LHX3: variants seen among roughly 807,000 people sequenced by gnomAD.
LHX3 encodes the protein LIM/homeobox protein Lhx3.
Under a neutral mutation model 32.4 loss-of-function variants are expected in LHX3, and 21 were observed. That is an observed-to-expected ratio of 0.65 (90% CI 0.46 to 0.93). LHX3 has a LOEUF of 0.93. LHX3 is among the 40% of genes least tolerant of loss of function. LHX3 has a pLI of 0.00. For missense variants in LHX3, 626 were observed against 560.0 expected, an observed-to-expected ratio of 1.12 and a Z score of -1.19; for synonymous variants, 258 against 246.8, an observed-to-expected ratio of 1.05 and a Z score of -0.43.
At chr9:136,199,165 AC>A in intron 3 of LHX3, 106 bp from the exon 4 acceptor site, 3 of 517,864 alleles carry the variant, frequency 5.8e-6, no homozygotes, top group South Asian at 8.1e-5. Flanking sequence ...TCAGGTGCCC[AC>A]CCCCATCCCG....
chr9:136,200,015 GC>G (rs1564283775), intron 2 of LHX3, 135 bp from the exon 3 acceptor site: 5 of 901,518 alleles, frequency 5.5e-6, no homozygotes, highest in African/African-American at 1.7e-5. Context: ...CAGGGTGGTC[GC>G]CAGCCTGGCC....
intron 3 of LHX3, among the ~76,000 whole-genome samples, chr9:136,199,322 G>A (rs1356255497): frequency 1.3e-5 from 2 of 152,142 alleles, no homozygotes; most frequent in Non-Finnish European, 2.9e-5. Flanking sequence ...GCACCTCCAC[G>A]GCGCCCCCGC....
rs377042655 is a variant in LHX3 at position 136,197,426 on chromosome 9, C to T, written c.1093G>A (p.Gly365Arg). 23 of 1,599,668 alleles carry T rather than the reference C, an allele frequency of 1.4e-5. No homozygotes were observed. In the African/African-American group the frequency reaches 1.9e-4, roughly 13 times the overall value. ...PPPMRVLAGNGPSSDLSTGSS... is the reference protein window; with the variant it reads ...PPPMRVLAGNRPSSDLSTGSS... ...CCCGTGGATAGGTCAGAACTGGGTC[C>T]GTTCCCTGCCAGCACCCTCATGGGT... is the stretch of plus-strand genomic sequence containing the variant. The change falls in exon 6 of 6, where the codon GGA becomes AGA. Residue 365 changes from glycine (G) to arginine (R), a missense_variant. Physicochemically the swap from Gly to Arg is moderately radical, Grantham distance 125. Transcript: ENST00000371748.
intron 1 of LHX3, among the ~76,000 whole-genome samples, chr9:136,201,862 G>T (rs1831646953): frequency 6.6e-6 from 1 of 152,204 alleles, no homozygotes; most frequent in Non-Finnish European, 1.5e-5. Context: ...GATCGCAGGC[G>T]AGGACCCGGC....
chr9:136,205,003 C>CCAG lies in LHX3; in HGVS notation c.7_9dup (p.Leu3dup), dbSNP rs1159322607. On this transcript the variant is annotated inframe_insertion, in exon 1 of 6. Transcript: ENST00000371748. ...GCTCGGTCGCGCTCGAGCCCCGTTT[C>CCAG]CAGCAGCATCGCGGCCACCAGGCCG... 1 of 1,587,174 alleles carries CCAG rather than the reference C, an allele frequency of 6.3e-7. No individual in the cohort carries two copies. Among genetic ancestry groups the CCAG allele is most frequent in the East Asian group, 2.3e-5 (1 of 44,140 alleles).
At chr9:136,200,544 C>T in intron 2 of LHX3, 38 bp downstream of exon 2, 11 of 1,606,572 alleles carry the variant, frequency 6.8e-6, no homozygotes, top group Non-Finnish European at 9.4e-6. Context: ...GCAGGCGTGC[C>T]CTCCGCTCCC....
At chr9:136,201,767 T>C in intron 1 of LHX3, 1 of 916,438 alleles carries the variant, frequency 1.1e-6, no homozygotes, top group Non-Finnish European at 1.3e-6. Context: ...CGGCGATGAA[T>C]GCGCCCCGCA....
At chr9:136,198,221 A>G (rs968614100) in intron 5 of LHX3, among the ~76,000 whole-genome samples, 5 of 152,130 alleles carry the variant, frequency 3.3e-5, no homozygotes, top group African/African-American at 1.2e-4. Context: ...GGCCCCACAG[A>G]AGGGTATGGA....
chr9:136,198,604 G>A (rs1831550401), intron 5 of LHX3, 48 bp downstream of exon 5: 6 of 1,541,016 alleles, frequency 3.9e-6, no homozygotes, highest in Admixed American at 2.0e-5. Flanking sequence ...CTGCGACCCC[G>A]CCGACGCGCG....
chr9:136,200,904 C>T (rs1831625850), intron 1 of LHX3, 151 bp from the exon 2 acceptor site: 1 of 1,012,178 alleles, frequency 9.9e-7, no homozygotes, highest in Non-Finnish European at 1.5e-6. Context: ...CTTCCCCAGC[C>T]AGCTTAAGTG....
At chr9:136,201,798 G>A (rs1831645217) in intron 1 of LHX3, 3 of 750,976 alleles carry the variant, frequency 4.0e-6, no homozygotes, top group Non-Finnish European at 3.2e-6. Flanking sequence ...CCGCAGCTCC[G>A]GGTGCGGAGC....
chr9:136,200,510 A>T (rs1831613396), intron 2 of LHX3, 72 bp downstream of exon 2: 1 of 1,506,336 alleles, frequency 6.6e-7, no homozygotes, highest in Non-Finnish European at 9.1e-7. Flanking sequence ...GGCCTTGGTG[A>T]TTGTGAGGGG....
intron 1 of LHX3, chr9:136,203,162 G>T (rs1831686952): frequency 1.3e-5 from 17 of 1,307,280 alleles, no homozygotes; most frequent in Non-Finnish European, 1.6e-5. Flanking sequence ...CGCTGCGCCC[G>T]CGGGCCGCCC....
intron 1 of LHX3, chr9:136,201,560 A>G: frequency 1.9e-6 from 2 of 1,076,966 alleles, no homozygotes; most frequent in Non-Finnish European, 2.2e-6. Context: ...CTCCCTCTTC[A>G]CTTAGAAAAA....
Position 136,197,628 on chromosome 9 carries a change from A to G in LHX3, c.891T>C (p.His297=). ...ACTGCTCTGGGCCTGCCAGGCCTCCATGCTCCAGGGAGAAGTTGCCCAGGG... is the reference window on the plus strand; with the variant it reads ...ACTGCTCTGGGCCTGCCAGGCCTCCGTGCTCCAGGGAGAAGTTGCCCAGGG... ...SGALGNFSLE[H]GGLAGPEQYR... is the part of the protein sequence containing the mutation. The change falls in exon 6 of 6, where the codon CAT becomes CAC. Residue 297 remains histidine, a synonymous_variant. Transcript: ENST00000371748. 6.3e-7 allele frequency: 1 copy of G among 1,579,284 alleles called. No individual in the cohort carries two copies. The highest frequency in any genetic ancestry group is 8.6e-7 in the Non-Finnish European group (1 of 1,164,108).
chr9:136,197,830 G>GGCAGCCAC, intron 5 of LHX3, 87 bp from the exon 6 acceptor site: 1 of 1,447,768 alleles, frequency 6.9e-7, no homozygotes, highest in Non-Finnish European at 9.5e-7. Flanking sequence ...GCACCCCTGG[G>GGCAGCCAC]TCGGAGAAAG....
chr9:136,199,153 C>T, intron 3 of LHX3, 94 bp from the exon 4 acceptor site: 1 of 622,738 alleles, frequency 1.6e-6, no homozygotes, highest in Non-Finnish European at 2.3e-6. Flanking sequence ...GACGTCGGGG[C>T]CTCAGGTGCC....
Position 136,205,097 on chromosome 9 carries a change from C to G in LHX3, c.-85G>C. 1.7e-6 allele frequency: 2 copies of G among 1,201,068 alleles called. No individual in the cohort carries two copies. The highest frequency in any genetic ancestry group is 2.3e-6 in the Non-Finnish European group (2 of 869,556). The allele number at this position is 1,201,068 out of a possible 1,614,324, so 74.4% of individuals were successfully genotyped here. A position where few individuals can be genotyped will look rare whatever the true frequency, so the allele number is the denominator to read the frequency against. On this transcript the variant is annotated 5_prime_UTR_variant, in exon 1 of 6. Transcript: ENST00000371748. ...GGTTCGGGGCTCCCAAGTCCCGCCG[C>G]GTCGTGCGGGGCAGGGAGCCCGGGA...
intron 2 of LHX3, 107 bp from the exon 3 acceptor site, chr9:136,199,987 A>T: frequency 8.2e-7 from 1 of 1,224,736 alleles, no homozygotes; most frequent in African/African-American, 1.5e-5. Flanking sequence ...CCCCGGAGGA[A>T]GGCTCTGTCC....
Sources: allele counts gnomAD v4.1 joint callset (sites outside exome capture counted in the v4.1 genomes callset), GRCh38; gene constraint gnomAD v4.1.1; transcripts MANE v1.5; gene names NCBI Gene and HGNC (gene_info 2026-07-23, HGNC 2026-07-21).